HAUS8: variants seen among roughly 807,000 people sequenced by gnomAD.
The protein encoded by HAUS8 is HAUS augmin like complex subunit 8.
A neutral mutation model predicts 42.9 loss-of-function variants in HAUS8; 38 were observed. The observed-to-expected ratio is 0.89, with a 90% confidence interval of 0.68 to 1.16. The LOEUF is 1.16. HAUS8 is among the 50% of genes most tolerant of loss of function. The pLI, the probability that HAUS8 is intolerant of heterozygous loss-of-function variation, is 0.00. For synonymous variants in HAUS8, 199 were observed against 205.8 expected (o/e 0.97, Z 0.28); for missense variants, 494 against 511.6 (o/e 0.97, Z 0.33).
intron 6 of HAUS8, 119 bp from the exon 7 acceptor site, chr19:17,058,995 T>C (rs2057343499): frequency 2.6e-6 from 2 of 783,538 alleles, no homozygotes; most frequent in Admixed American, 2.7e-5. Context: ...TGATATTCGG[T>C]AGTTCTCTAC....
At chr19:17,065,985 A>AG (rs1411977471) in intron 3 of HAUS8, among the ~76,000 whole-genome samples, 1 of 151,078 alleles carries the variant, frequency 6.6e-6, no homozygotes, top group Non-Finnish European at 1.5e-5. Flanking sequence ...AAAAAAAAAA[A>AG]AGAGACAGGA....
chr19:17,060,842 A>G (rs2057356111), intron 4 of HAUS8, among the ~76,000 whole-genome samples: 2 of 152,254 alleles, frequency 1.3e-5, no homozygotes, highest in South Asian at 2.1e-4. Context: ...AGCATACAGC[A>G]TGCTACCACT....
At chr19:17,071,264 C>T (rs1473398169) in intron 2 of HAUS8, among the ~76,000 whole-genome samples, 1 of 152,142 alleles carries the variant, frequency 6.6e-6, no homozygotes, top group Non-Finnish European at 1.5e-5. Context: ...GCAGCTGCTA[C>T]CCTGAGAGGA....
chr19:17,075,356 G>C, intron 1 of HAUS8, 38 bp downstream of exon 1: 2 of 1,610,858 alleles, frequency 1.2e-6, no homozygotes, highest in Non-Finnish European at 1.7e-6. Flanking sequence ...CAGCCCTATG[G>C]CGTCTACAAA....
At chr19:17,064,102 T>C (rs1465159052) in intron 3 of HAUS8, among the ~76,000 whole-genome samples, 1 of 152,222 alleles carries the variant, frequency 6.6e-6, no homozygotes. Flanking sequence ...GAAGTAGCAA[T>C]GAACAAGTTT....
In HAUS8 at chr19:17,058,630, T is replaced by A; in HGVS notation, c.564A>T (p.Leu188=). ...LLIMCKEKEK[L]QKKAHELKRR... ...GCTTCAGCTCGTGGGCCTTTTTCTG[T>A]AGCTTCTCCTTCTCCTTACACATTA... The change falls in exon 8 of 11, where the codon CTA becomes CTT. Residue 188 remains leucine, a synonymous_variant. Coordinates refer to ENST00000253669, the MANE Select transcript of HAUS8 (RefSeq NM_033417.2). 6.2e-7 allele frequency: 1 copy of A among 1,613,854 alleles called. No homozygotes were observed. The highest frequency in any genetic ancestry group is 8.5e-7 in the Non-Finnish European group (1 of 1,179,904).
At chr19:17,069,716 T>C (rs2123381793) in intron 2 of HAUS8, among the ~76,000 whole-genome samples, 1 of 151,888 alleles carries the variant, frequency 6.6e-6, no homozygotes, top group East Asian at 1.9e-4. Flanking sequence ...CTGGATCCGG[T>C]TAGTCCCATT....
At chr19:17,064,099 C>G (rs1203335262) in intron 3 of HAUS8, among the ~76,000 whole-genome samples, 1 of 152,164 alleles carries the variant, frequency 6.6e-6, no homozygotes, top group Non-Finnish European at 1.5e-5. Flanking sequence ...AATGAAGTAG[C>G]AATGAACAAG....
At chr19:17,066,122 T>C (rs2057386057) in intron 3 of HAUS8, among the ~76,000 whole-genome samples, 1 of 152,038 alleles carries the variant, frequency 6.6e-6, no homozygotes, top group African/African-American at 2.4e-5. Flanking sequence ...CGCACAGCTA[T>C]TTTTATTTTT....
chr19:17,051,046 T>C (rs971084119), intron 10 of HAUS8, among the ~76,000 whole-genome samples: 1 of 151,956 alleles, frequency 6.6e-6, no homozygotes, highest in Non-Finnish European at 1.5e-5. Context: ...AGCAATGAAA[T>C]GAAATCCTGT....
rs1284638448 is a variant in HAUS8, at chr19:17,055,949, G to A, written c.699C>T (p.Tyr233=). 1 of 1,614,170 alleles carries A rather than the reference G, an allele frequency of 6.2e-7. No homozygotes were observed. Among genetic ancestry groups the A allele is most frequent in the Non-Finnish European group, 8.5e-7 (1 of 1,179,992 alleles). The part of the protein sequence containing the change: ...EAVATRFKEQ[Y]RTFATALDTT... ...TGTCCAGGGCCGTGGCGAATGTCCT[G>A]TATTGCTCCTTGAAGCGTGTGGCCA... Residue 233 remains tyrosine, a synonymous_variant, in exon 9 of 11, where the codon TAC becomes TAT. Transcript: ENST00000253669.
chr19:17,062,789 G>C lies in HAUS8; in HGVS notation c.148-10C>G. On this transcript the variant is annotated splice_polypyrimidine_tract_variant and intron_variant, in intron 3 of 10. Transcript: ENST00000253669. ...CATCTCCTGCAGGAGCCTGTTATGG[G>C]AACACATGACACTCAGAGGACAAGA... The C allele has an allele frequency of 6.2e-7, 1 of 1,605,940 alleles. No homozygotes were observed. The highest frequency in any genetic ancestry group is 1.3e-5 in the African/African-American group (1 of 74,826).
intron 2 of HAUS8, 75 bp from the exon 3 acceptor site, chr19:17,069,161 C>CTGGCATCTGGGTCTCCGG: frequency 7.4e-7 from 1 of 1,357,086 alleles, no homozygotes; most frequent in Non-Finnish European, 1.0e-6. Context: ...CCCCACGCCC[C>CTGGCATCTGGGTCTCCGG]GGAGACCCAG....
intron 1 of HAUS8, chr19:17,075,187 A>C (rs2057461681): frequency 1.8e-6 from 1 of 562,950 alleles, no homozygotes; most frequent in South Asian, 2.3e-5. Context: ...GTCCCAGCCG[A>C]GGACGCGGAA....
intron 10 of HAUS8, among the ~76,000 whole-genome samples, 191 bp from the exon 11 acceptor site, chr19:17,050,367 A>T (rs939419296): frequency 2.6e-5 from 4 of 152,306 alleles, no homozygotes; most frequent in African/African-American, 9.6e-5. Flanking sequence ...AGCACCAGAC[A>T]TGAAAGGAAA....
chr19:17,055,476 G>T (rs2057319940), intron 9 of HAUS8, among the ~76,000 whole-genome samples: 1 of 151,800 alleles, frequency 6.6e-6, no homozygotes, highest in South Asian at 2.1e-4. Flanking sequence ...TCAAGTTAGG[G>T]ATTAGGTGGG....
intron 8 of HAUS8, among the ~76,000 whole-genome samples, chr19:17,057,969 C>T (rs894810987): frequency 1.3e-5 from 2 of 152,242 alleles, no homozygotes; most frequent in Non-Finnish European, 2.9e-5. Flanking sequence ...GAGATTCTCC[C>T]TCGCAGCCCT....
At chr19:17,067,503 C>T (rs938457237) in intron 3 of HAUS8, among the ~76,000 whole-genome samples, 16 of 151,972 alleles carry the variant, frequency 1.1e-4, no homozygotes, top group Non-Finnish European at 1.8e-4. Context: ...AGGCAAGACC[C>T]TATGCTGAAA....
In HAUS8 at chr19:17,075,406, C is replaced by G. The variant is rs1266333750; in HGVS notation, c.17G>C (p.Gly6Ala). ...AGCCCCAACTCACCCAGCGCCTCGC[C>G]CCGAGGAATCCGCCATTTTCCCGCC... MADSSGRGAGKPATGP... is the reference protein window; with the variant it reads MADSSARGAGKPATGP... The change falls in exon 1 of 11, where the codon GGG becomes GCG. Residue 6 changes from glycine (G) to alanine (A), a missense_variant. Coordinates refer to ENST00000253669, the MANE Select transcript of HAUS8 (RefSeq NM_033417.2). The G allele has an allele frequency of 6.2e-7, 1 of 1,613,950 alleles. No homozygotes were observed.
Sources: allele counts gnomAD v4.1 joint callset (sites outside exome capture counted in the v4.1 genomes callset), GRCh38; gene constraint gnomAD v4.1.1; transcripts MANE v1.5; gene names NCBI Gene and HGNC (gene_info 2026-07-23, HGNC 2026-07-21).